Variants in FANCC observed in about 807,000 individuals in gnomAD.
FANCC encodes FA complementation group C.
In FANCC, 55 loss-of-function variants were observed where a neutral mutation model predicts 71.3. The ratio of observed to expected loss-of-function variants is 0.77; its 90% CI spans 0.62 to 0.97. FANCC has a LOEUF of 0.97. Ranked by LOEUF, FANCC falls within the 50% of genes least tolerant of loss-of-function variation. FANCC has a pLI of 0.00. For missense variants in FANCC, 678 were observed against 670.9 expected, an observed-to-expected ratio of 1.01 and a Z score of -0.12; for synonymous variants, 275 against 244.9, an observed-to-expected ratio of 1.12 and a Z score of -1.15.
intron 3 of FANCC, among the ~76,000 whole-genome samples, chr9:95,243,710 C>T (rs1174132913): frequency 4.6e-5 from 7 of 152,008 alleles, no homozygotes; most frequent in East Asian, 1.9e-4. Flanking sequence ...AGGAGAATGG[C>T]GTGAACCTAG....
intron 6 of FANCC, among the ~76,000 whole-genome samples, chr9:95,153,083 T>A (rs965366113): frequency 1.3e-5 from 2 of 152,228 alleles, no homozygotes; most frequent in African/African-American, 2.4e-5. Context: ...ATAGCTTAGC[T>A]CCCACTAATA....
At chr9:95,153,185 A>T (rs1830276354) in intron 6 of FANCC, among the ~76,000 whole-genome samples, 1 of 152,088 alleles carries the variant, frequency 6.6e-6, no homozygotes, top group Admixed American at 6.5e-5. Flanking sequence ...TGCAAATATT[A>T]TTTTGTTCCT....
chr9:95,290,405 C>A (rs917402903), intron 1 of FANCC, among the ~76,000 whole-genome samples: 3 of 152,128 alleles, frequency 2.0e-5, no homozygotes, highest in African/African-American at 2.4e-5. Flanking sequence ...GTGATCAACA[C>A]GAACATTAAT....
Position 95,099,833 on chromosome 9 carries a change from A to G in FANCC, c.*1874T>C, listed in dbSNP as rs1588004326. On this transcript the variant is annotated 3_prime_UTR_variant, in exon 15 of 15. Transcript: ENST00000289081. Reference sequence around the variant, plus strand: ...GGTCAGGGCTTCCAGGCTAGGAAGAAGTCTTCCAGATGCCTAGCTTCACCA... The same window carrying G: ...GGTCAGGGCTTCCAGGCTAGGAAGAGGTCTTCCAGATGCCTAGCTTCACCA... 2.6e-5 allele frequency: 6 copies of G among 232,914 alleles called. No individual in the cohort carries two copies. In the East Asian group the frequency reaches 3.6e-4, roughly 14 times the overall value. 14.4% of individuals were successfully genotyped at this position (232,914 alleles called of 1,614,324 possible). A position where few individuals can be genotyped will look rare whatever the true frequency, so the allele number is the denominator to read the frequency against.
intron 1 of FANCC, among the ~76,000 whole-genome samples, chr9:95,279,387 C>T (rs1479641195): frequency 1.3e-5 from 2 of 150,466 alleles, no homozygotes; most frequent in Non-Finnish European, 3.0e-5. Context: ...TGCCTGTGGT[C>T]CCAGTTTCAT....
At chr9:95,207,404 T>C (rs1015828782) in intron 4 of FANCC, among the ~76,000 whole-genome samples, 6 of 152,148 alleles carry the variant, frequency 3.9e-5, no homozygotes, top group African/African-American at 1.2e-4. Flanking sequence ...CAGATGGCAG[T>C]CTCCTATCCC....
intron 1 of FANCC, among the ~76,000 whole-genome samples, chr9:95,274,030 ATTT>A (rs1179776145): frequency 6.6e-6 from 1 of 152,028 alleles, no homozygotes; most frequent in Non-Finnish European, 1.5e-5. Flanking sequence ...CCATTTTTTA[ATTT>A]TTTTATTATA....
chr9:95,156,031 CA>C (rs1202261859), intron 6 of FANCC, among the ~76,000 whole-genome samples: 1 of 151,920 alleles, frequency 6.6e-6, no homozygotes, highest in Non-Finnish European at 1.5e-5. Flanking sequence ...AAGGCTGAAA[CA>C]ACTTTTATAG....
rs78895219 is a variant in FANCC at position 95,173,986 on chromosome 9, C to T, written c.346-1839G>A. ...ATGAAGAAAGATGTAAAATGTTATA[C>T]TCAGAAATGATCTCATCAATATAAA... On this transcript the variant is annotated intron_variant, in intron 4 of 14. Transcript: ENST00000289081. Among the ~76,000 whole-genome samples, 1,233 of 152,150 alleles carry T rather than the reference C, an allele frequency of 8.1e-3. 23 individuals carry two copies. Among genetic ancestry groups the T allele is most frequent in the African/African-American group, 0.028 (1,154 of 41,494 alleles).
intron 13 of FANCC, among the ~76,000 whole-genome samples, chr9:95,109,088 A>T (rs2134494932): frequency 6.6e-6 from 1 of 151,868 alleles, no homozygotes; most frequent in African/African-American, 2.4e-5. Flanking sequence ...TTCTTTATTT[A>T]TTTTTTTGTA....
intron 1 of FANCC, among the ~76,000 whole-genome samples, chr9:95,301,516 C>T (rs544915921): frequency 1.3e-5 from 2 of 152,048 alleles, no homozygotes; most frequent in Admixed American, 1.3e-4. Context: ...ACTGCAGCCT[C>T]AACCTCCTCC....
chr9:95,268,088 T>C (rs1266651187), intron 1 of FANCC, among the ~76,000 whole-genome samples: 2 of 152,230 alleles, frequency 1.3e-5, no homozygotes, highest in Non-Finnish European at 1.5e-5. Context: ...TGAGTCCCAC[T>C]AGCATTTTGC....
intron 1 of FANCC, chr9:95,293,352 G>A: frequency 2.5e-6 from 4 of 1,601,154 alleles, no homozygotes; most frequent in Non-Finnish European, 3.4e-6. Context: ...TCTGCCACAG[G>A]GGCTGTGCAC....
rs955495354 is a variant in FANCC at position 95,125,195 on chromosome 9, G to A, written c.897-10C>T. 9 of 1,607,512 alleles carry A rather than the reference G, an allele frequency of 5.6e-6. No homozygotes were observed. Among genetic ancestry groups the A allele is most frequent in the Non-Finnish European group, 6.8e-6 (8 of 1,173,964 alleles). On this transcript the variant is annotated splice_polypyrimidine_tract_variant and intron_variant, in intron 9 of 14. Coordinates refer to ENST00000289081, the MANE Select transcript of FANCC (RefSeq NM_000136.3). ...TTCCAGGAGTGCACACCTGAACAAT[G>A]CAAAGTCAGATCAGAACACGTTTAA... is the stretch of plus-strand genomic sequence containing the variant.
At chr9:95,317,474 G>A (rs1162009012) in intron 1 of FANCC, 52 bp downstream of exon 1, 1 of 152,352 alleles carries the variant, frequency 6.6e-6, no homozygotes, top group Non-Finnish European at 1.5e-5. Context: ...GTGTCGGCCA[G>A]ACCCCCGAGG....
At chr9:95,229,135 T>TA (rs1829822388) in intron 4 of FANCC, among the ~76,000 whole-genome samples, 1 of 151,842 alleles carries the variant, frequency 6.6e-6, no homozygotes, top group African/African-American at 2.4e-5. Flanking sequence ...CCATTTCTAC[T>TA]AAAAATGCAA....
intron 1 of FANCC, chr9:95,292,561 T>C: frequency 6.7e-7 from 1 of 1,482,256 alleles, no homozygotes; most frequent in Non-Finnish European, 9.2e-7. Context: ...GTGAGCGAGC[T>C]GTCCCAGACC....
At chr9:95,286,999 C>A (rs1423079072) in intron 1 of FANCC, among the ~76,000 whole-genome samples, 1 of 152,032 alleles carries the variant, frequency 6.6e-6, no homozygotes, top group African/African-American at 2.4e-5. Flanking sequence ...TCTCAATCCA[C>A]CAAAATAATA....
chr9:95,107,571 T>C, intron 13 of FANCC: 1 of 492,748 alleles, frequency 2.0e-6, no homozygotes, highest in Non-Finnish European at 3.7e-6. Context: ...GTCAGATTTT[T>C]ATATTGTGGG....
Sources: gnomAD v4.1 joint callset for allele counts (sites outside exome capture counted in the v4.1 genomes callset) on GRCh38, gnomAD v4.1.1 for gene constraint, MANE v1.5 for transcripts, NCBI Gene and HGNC (gene_info 2026-07-23, HGNC 2026-07-21) for gene names.